Variants in SNTG1 observed in about 807,000 individuals in gnomAD.
SNTG1 encodes syntrophin gamma 1, also known as gamma-1-syntrophin.
A neutral mutation model predicts 74.7 loss-of-function variants in SNTG1; 39 were observed. The ratio of observed to expected loss-of-function variants is 0.52; its 90% confidence interval spans 0.40 to 0.68. The LOEUF (loss-of-function observed/expected upper bound fraction) is 0.68, where lower values mean the gene tolerates loss of function less well. Ranked by LOEUF, SNTG1 falls within the 30% of genes least tolerant of loss-of-function variation. The pLI, the probability that SNTG1 is intolerant of heterozygous loss-of-function variation, is 0.00. For synonymous variants in SNTG1, 254 were observed against 217.1 expected, an observed-to-expected ratio of 1.17 and a Z score of -1.49; for missense variants, 685 against 609.5, an observed-to-expected ratio of 1.12 and a Z score of -1.30.
intron 1 of SNTG1, among the ~76,000 whole-genome samples, chr8:49,992,362 A>T (rs145903172): frequency 2.2e-4 from 33 of 152,228 alleles, no homozygotes; most frequent in Admixed American, 3.9e-4. Context: ...ACCGGGCACT[A>T]ACTTGGCAAT....
intron 17 of SNTG1, among the ~76,000 whole-genome samples, chr8:50,722,514 G>A (rs1368215243): frequency 2.0e-5 from 3 of 152,128 alleles, no homozygotes; most frequent in East Asian, 3.9e-4. Flanking sequence ...TGAATCCAAG[G>A]TTCTGTAATG....
chr8:50,783,435 G>C (rs899113247), intron 18 of SNTG1, among the ~76,000 whole-genome samples: 6 of 152,180 alleles, frequency 3.9e-5, no homozygotes, highest in African/African-American at 1.4e-4. Context: ...CTGCTGCCTT[G>C]CAGTTTGATC....
intron 11 of SNTG1, among the ~76,000 whole-genome samples, chr8:50,541,117 CG>C (rs750239707): frequency 2.0e-5 from 3 of 152,004 alleles, no homozygotes; most frequent in East Asian, 3.9e-4. Flanking sequence ...TGAATATTCA[CG>C]TGCACTTGTG....
chr8:50,175,105 T>C (rs898955250), intron 2 of SNTG1, among the ~76,000 whole-genome samples: 57 of 152,214 alleles, frequency 3.7e-4, no homozygotes, highest in Non-Finnish European at 6.0e-4. Context: ...CTTAATCCAG[T>C]CTATCATTGT....
chr8:49,973,671 T>C (rs1340739243), intron 1 of SNTG1, among the ~76,000 whole-genome samples: 3 of 152,242 alleles, frequency 2.0e-5, no homozygotes, highest in African/African-American at 7.2e-5. Context: ...ACACAGTATA[T>C]ACTGAAGAAA....
chr8:50,528,068 A>G (rs1048230072), intron 9 of SNTG1, among the ~76,000 whole-genome samples: 9 of 152,002 alleles, frequency 5.9e-5, no homozygotes, highest in African/African-American at 2.2e-4. Flanking sequence ...TTCTATATAC[A>G]CGATTGTGTT....
chr8:50,264,410 A>G (rs1240721655), intron 2 of SNTG1, among the ~76,000 whole-genome samples: 1 of 151,948 alleles, frequency 6.6e-6, no homozygotes, highest in Non-Finnish European at 1.5e-5. Flanking sequence ...TCTAATAAAA[A>G]TACAAAAAAA....
At chr8:50,261,918 AAATTTATT>A (rs1316786031) in intron 2 of SNTG1, among the ~76,000 whole-genome samples, 3 of 152,144 alleles carry the variant, frequency 2.0e-5, no homozygotes, top group African/African-American at 7.2e-5. Context: ...ATATGAATGT[AAATTTATT>A]AATAATCACT....
chr8:50,106,237 A>G (rs932912824), intron 1 of SNTG1, among the ~76,000 whole-genome samples: 1 of 152,122 alleles, frequency 6.6e-6, no homozygotes, highest in African/African-American at 2.4e-5. Flanking sequence ...TCTTCTTCAC[A>G]TAGAGGGAGG....
intron 5 of SNTG1, among the ~76,000 whole-genome samples, chr8:50,439,462 G>C (rs1187156027): frequency 6.6e-6 from 1 of 152,014 alleles, no homozygotes; most frequent in Non-Finnish European, 1.5e-5. Context: ...GTGAACATCA[G>C]CTCTAGTTGA....
At chr8:50,065,288 C>T (rs903956699) in intron 1 of SNTG1, among the ~76,000 whole-genome samples, 4 of 152,030 alleles carry the variant, frequency 2.6e-5, no homozygotes, top group Non-Finnish European at 5.9e-5. Context: ...AAAAAGATAA[C>T]GTAAAGCATC....
intron 2 of SNTG1, among the ~76,000 whole-genome samples, chr8:50,383,277 A>T (rs993908664): frequency 3.9e-5 from 6 of 152,180 alleles, no homozygotes; most frequent in African/African-American, 1.4e-4. Flanking sequence ...AAACACACTA[A>T]TTATTTCCCT....
At chr8:49,971,487 T>A (rs968286890) in intron 1 of SNTG1, among the ~76,000 whole-genome samples, 3 of 152,110 alleles carry the variant, frequency 2.0e-5, no homozygotes, top group African/African-American at 7.2e-5. Flanking sequence ...CCACTCCTAT[T>A]CAACATAGTG....
intron 1 of SNTG1, among the ~76,000 whole-genome samples, chr8:49,915,960 G>A (rs1805991949): frequency 6.6e-6 from 1 of 152,016 alleles, no homozygotes; most frequent in Non-Finnish European, 1.5e-5. Context: ...TCTTAGTCGG[G>A]TTTTAAACGT....
At chr8:49,963,323 T>C (rs774877937) in intron 1 of SNTG1, among the ~76,000 whole-genome samples, 30 of 152,322 alleles carry the variant, frequency 2.0e-4, no homozygotes, top group Admixed American at 9.8e-4. Flanking sequence ...GAAACTAGTG[T>C]TGGAAAATGT....
At chr8:50,164,092 C>CTTTTTTTTTTTTTTTTTTT (rs3086088) in intron 1 of SNTG1, 13 of 71,984 alleles carry the variant, frequency 1.8e-4, no homozygotes, top group African/African-American at 4.3e-4. Flanking sequence ...GACACAATTT[C>CTTTTTTTTTTTTTTTTTTT]TTTTTTTTTT....
chr8:50,357,928 C>T (rs1163525185), intron 2 of SNTG1, among the ~76,000 whole-genome samples: 5 of 152,090 alleles, frequency 3.3e-5, no homozygotes, highest in East Asian at 1.9e-4. Flanking sequence ...ATTGTGTCTC[C>T]GTTGAGTGCA....
intron 1 of SNTG1, among the ~76,000 whole-genome samples, chr8:49,944,303 A>G (rs957856945): frequency 2.0e-5 from 3 of 152,064 alleles, no homozygotes; most frequent in African/African-American, 4.8e-5. Flanking sequence ...CTAGAATTCT[A>G]TTTCAGGGAT....
intron 2 of SNTG1, among the ~76,000 whole-genome samples, chr8:50,303,239 T>C (rs895122679): frequency 6.6e-6 from 1 of 152,144 alleles, no homozygotes; most frequent in Middle Eastern, 3.2e-3. Context: ...TTGATTCAAA[T>C]AGTTCTTGTT....
Sources: allele counts gnomAD v4.1 joint callset (sites outside exome capture counted in the v4.1 genomes callset), GRCh38; gene constraint gnomAD v4.1.1; transcripts MANE v1.5; gene names NCBI Gene and HGNC (gene_info 2026-07-23, HGNC 2026-07-21).